Variants in AKAP13 observed in about 807,000 individuals in gnomAD.
AKAP13 encodes the protein A-kinase anchor protein 13.
Under a neutral mutation model 264.5 loss-of-function variants are expected in AKAP13, and 80 were observed. The ratio of observed to expected loss-of-function variants is 0.30; its 90% confidence interval spans 0.25 to 0.36. AKAP13 has a LOEUF of 0.36. Ranked by LOEUF, AKAP13 falls within the 10% of genes least tolerant of loss-of-function variation. AKAP13 has a pLI of 1.00. For synonymous variants in AKAP13, 1,380 were observed against 1,250.2 expected, an observed-to-expected ratio of 1.10 and a Z score of -2.19; for missense variants, 3,712 against 3,435.2, an observed-to-expected ratio of 1.08 and a Z score of -2.01.
intron 8 of AKAP13, among the ~76,000 whole-genome samples, chr15:85,589,712 A>AG (rs1422447950): frequency 6.7e-6 from 1 of 148,496 alleles, no homozygotes; most frequent in Non-Finnish European, 1.5e-5. Context: ...TCTGTCTTGA[A>AG]AAAAAAAAAA....
chr15:85,643,132 A>G (rs1216625802), intron 9 of AKAP13, among the ~76,000 whole-genome samples: 1 of 151,724 alleles, frequency 6.6e-6, no homozygotes, highest in East Asian at 1.9e-4. Flanking sequence ...AAACAGACTA[A>G]GGTGATTTTT....
At position 85,747,976 on chromosome 15, in the gene AKAP13, G is replaced by GTGTT. The variant is rs1001653566; in HGVS notation, c.*3300_*3303dup. Reference sequence around the variant, plus strand: ...GTTGTTTCTTGATGTGGGAGGGGAGGTGTTAGTGCATGCAAGGGTTGAACT... The same window carrying GTGTT: ...GTTGTTTCTTGATGTGGGAGGGGAGGTGTTTGTTAGTGCATGCAAGGGTTGAACT... On this transcript the variant is annotated 3_prime_UTR_variant, in exon 37 of 37. Transcript: ENST00000394518. The GTGTT allele has an allele frequency of 2.4e-4, 37 of 152,742 alleles. No homozygotes were observed. Among genetic ancestry groups the GTGTT allele is most frequent in the Admixed American group, 2.2e-3 (34 of 15,290 alleles). 9.5% of individuals were successfully genotyped at this position (152,742 alleles called of 1,614,324 possible).
chr15:85,653,242 A>G (rs1397945979), intron 10 of AKAP13, among the ~76,000 whole-genome samples: 2 of 152,160 alleles, frequency 1.3e-5, no homozygotes, highest in Non-Finnish European at 2.9e-5. Context: ...GACTTTTCTG[A>G]TACTGACTTT....
At chr15:85,505,795 A>T (rs1293336085) in intron 2 of AKAP13, among the ~76,000 whole-genome samples, 4 of 152,186 alleles carry the variant, frequency 2.6e-5, no homozygotes, top group African/African-American at 9.7e-5. Flanking sequence ...GCTGAGACAG[A>T]TATAGGAAAA....
Position 85,448,262 on chromosome 15 carries a change from A to G in AKAP13, c.-11-37448A>G, listed in dbSNP as rs565056078. Reference sequence around the variant, plus strand: ...AATTTAAGTTCCTTGTAGATGCTGGATATTAGACCTTTGTCACATGCATAG... The same window carrying G: ...AATTTAAGTTCCTTGTAGATGCTGGGTATTAGACCTTTGTCACATGCATAG... On this transcript the variant is annotated intron_variant, in intron 1 of 36. Transcript: ENST00000394518. 6.6e-5 allele frequency among the ~76,000 whole-genome samples: 10 copies of G among 152,174 alleles called. No homozygotes were observed. The South Asian group carries it at 2.1e-3, about 32-fold the overall frequency.
intron 5 of AKAP13, among the ~76,000 whole-genome samples, chr15:85,571,359 A>G (rs1030717147): frequency 6.6e-6 from 1 of 152,090 alleles, no homozygotes; most frequent in African/African-American, 2.4e-5. Flanking sequence ...TAATGGCTAC[A>G]TAATAGTCTA....
intron 23 of AKAP13, among the ~76,000 whole-genome samples, 171 bp from the exon 24 acceptor site, chr15:85,721,820 C>A (rs1395531139): frequency 6.6e-6 from 1 of 152,218 alleles, no homozygotes; most frequent in Non-Finnish European, 1.5e-5. Flanking sequence ...AAAGTTGAAC[C>A]TCTTGAGTAA....
chr15:85,527,258 C>A (rs763620829), intron 3 of AKAP13, among the ~76,000 whole-genome samples: 18 of 152,272 alleles, frequency 1.2e-4, no homozygotes, highest in Non-Finnish European at 2.5e-4. Flanking sequence ...CCACCGCACC[C>A]GGCCCTGTTG....
intron 7 of AKAP13, among the ~76,000 whole-genome samples, 185 bp from the exon 8 acceptor site, chr15:85,585,517 A>G (rs1252587485): frequency 1.3e-5 from 2 of 152,254 alleles, no homozygotes; most frequent in African/African-American, 2.4e-5. Flanking sequence ...ACCAGTAACC[A>G]TGCGATAAAG....
intron 16 of AKAP13, among the ~76,000 whole-genome samples, chr15:85,690,439 GTTGA>G (rs1286956804): frequency 9.9e-5 from 15 of 152,202 alleles, no homozygotes; most frequent in Non-Finnish European, 1.6e-4. Context: ...AAATTTAGTT[GTTGA>G]TTATTACTAA....
At chr15:85,611,705 G>T (rs1204989368) in intron 8 of AKAP13, among the ~76,000 whole-genome samples, 2 of 152,138 alleles carry the variant, frequency 1.3e-5, no homozygotes, top group African/African-American at 2.4e-5. Flanking sequence ...CTCTTCGATT[G>T]CTTTTCCTAT....
chr15:85,566,737 C>T lies in AKAP13; in HGVS notation c.663-8394C>T, dbSNP rs551359927. ...TGCCTCTTGGGTTCAAGCGATTCTT[C>T]TGCCTCAGACTTCTGAGTAGCTGGG... is the stretch of plus-strand genomic sequence containing the variant. On this transcript the variant is annotated intron_variant, in intron 5 of 36. Transcript: ENST00000394518. Among the ~76,000 whole-genome samples, 10 of 149,900 alleles carry T rather than the reference C, an allele frequency of 6.7e-5. No individual in the cohort carries two copies. The East Asian group carries it at 2.0e-3, about 30-fold the overall frequency.
chr15:85,470,097 G>A (rs1169323668), intron 1 of AKAP13, among the ~76,000 whole-genome samples: 1 of 152,148 alleles, frequency 6.6e-6, no homozygotes, highest in Non-Finnish European at 1.5e-5. Flanking sequence ...AGACCAGCCT[G>A]GCCAACACGG....
Position 85,681,241 on chromosome 15 carries a change from C to T in AKAP13, c.5102-917C>T, listed in dbSNP as rs114385437. ...AAAAAGGAAGGTGTTTTGTCTAAATCGTTAAAATAGTGTTACAGAGTAACC... is the reference window on the plus strand; with the variant it reads ...AAAAAGGAAGGTGTTTTGTCTAAATTGTTAAAATAGTGTTACAGAGTAACC... On this transcript the variant is annotated intron_variant, in intron 14 of 36. Coordinates refer to ENST00000394518, the MANE Select transcript of AKAP13 (RefSeq NM_007200.5). 1.2e-3 allele frequency among the ~76,000 whole-genome samples: 190 copies of T among 152,228 alleles called. 1 individual carries two copies. Among genetic ancestry groups the T allele is most frequent in the African/African-American group, 4.4e-3 (184 of 41,536 alleles).
Position 85,748,926 on chromosome 15 carries a change from G to A in AKAP13, c.*4249G>A, listed in dbSNP as rs773157591. ...CCCCTACCTTTCGTCACCACCTGAGGGCATGAGCACAGGCCATGGGGCGTG... is the reference window on the plus strand; with the variant it reads ...CCCCTACCTTTCGTCACCACCTGAGAGCATGAGCACAGGCCATGGGGCGTG... On this transcript the variant is annotated 3_prime_UTR_variant, in exon 37 of 37. Transcript: ENST00000394518. 13 of 152,492 alleles carry A rather than the reference G, an allele frequency of 8.5e-5. No individual in the cohort carries two copies. Among genetic ancestry groups the A allele is most frequent in the Non-Finnish European group, 1.9e-4 (13 of 68,264 alleles). The allele number at this position is 152,492 out of a possible 1,614,324, so 9.4% of individuals were successfully genotyped here. A position where few individuals can be genotyped will look rare whatever the true frequency, so the allele number is the denominator to read the frequency against.
intron 8 of AKAP13, among the ~76,000 whole-genome samples, chr15:85,636,650 T>G (rs1596826662): frequency 6.6e-6 from 1 of 152,252 alleles, no homozygotes; most frequent in East Asian, 1.9e-4. Context: ...ATTCTTGCTT[T>G]GTTGTCCAGG....
chr15:85,409,516 T>G (rs1392955126), intron 1 of AKAP13, among the ~76,000 whole-genome samples: 1 of 151,636 alleles, frequency 6.6e-6, no homozygotes, highest in Non-Finnish European at 1.5e-5. Flanking sequence ...GAATTATTTA[T>G]GTATTCTAAA....
In AKAP13 at chr15:85,619,997, G is replaced by C. The variant is rs938369965; in HGVS notation, c.4162-19377G>C. ...AGGCAGAGATCTCCACCACCTAACC[G>C]TGAGAAATTTGGAACTAAGGACTTG... On this transcript the variant is annotated intron_variant, in intron 8 of 36. Coordinates refer to ENST00000394518, the MANE Select transcript of AKAP13 (RefSeq NM_007200.5). The C allele has an allele frequency of 1.9e-4, 292 of 1,508,600 alleles. 1 individual carries two copies. Among genetic ancestry groups the C allele is most frequent in the Middle Eastern group, 1.7e-4 (1 of 5,858 alleles). 93.5% of individuals were successfully genotyped at this position (1,508,600 alleles called of 1,614,324 possible). A position where few individuals can be genotyped will look rare whatever the true frequency, so the allele number is the denominator to read the frequency against.
At chr15:85,657,004 C>T (rs1334870234) in intron 11 of AKAP13, among the ~76,000 whole-genome samples, 5 of 152,126 alleles carry the variant, frequency 3.3e-5, no homozygotes, top group African/African-American at 9.6e-5. Flanking sequence ...AAAACAGCCG[C>T]GCATGGTAGT....
Sources: allele counts gnomAD v4.1 joint callset (sites outside exome capture counted in the v4.1 genomes callset), GRCh38; gene constraint gnomAD v4.1.1; transcripts MANE v1.5; gene names NCBI Gene and HGNC (gene_info 2026-07-23, HGNC 2026-07-21).